The following ENPEP variants were observed in gnomAD, a reference collection of about 807,000 sequenced individuals.
ENPEP encodes glutamyl aminopeptidase.
Under a neutral mutation model 114.5 loss-of-function variants are expected in ENPEP, and 103 were observed. The observed-to-expected ratio is 0.90, with a 90% CI of 0.77 to 1.06. The LOEUF is 1.06. Ranked by LOEUF, ENPEP falls within the 50% of genes least tolerant of loss-of-function variation. The pLI, the probability that ENPEP is intolerant of heterozygous loss-of-function variation, is 0.00. For synonymous variants in ENPEP, 420 were observed against 422.0 expected (o/e 1.00, Z 0.06); for missense variants, 1,196 against 1,161.3 (o/e 1.03, Z -0.43).
rs141720845 is a variant in ENPEP, at chr4:110,531,276, A to C, written c.1806A>C (p.Glu602Asp). 24 of 1,422,446 alleles carry C rather than the reference A, an allele frequency of 1.7e-5. No homozygotes were observed. The highest frequency in any genetic ancestry group is 2.1e-4 in the Middle Eastern group (1 of 4,824). 88.1% of individuals were successfully genotyped at this position (1,422,446 alleles called of 1,614,324 possible). A position where few individuals can be genotyped will look rare whatever the true frequency, so the allele number is the denominator to read the frequency against. ...TGTTATTTAATAGGTCAGAAAAAGAAGGTAAATATTATTAATTGATTTATT... is the reference window on the plus strand; with the variant it reads ...TGTTATTTAATAGGTCAGAAAAAGACGGTAAATATTATTAATTGATTTATT... ...SSVLFNRSEK[E>D]GITLNSSNPS... is the part of the protein sequence containing the mutation. The change falls in exon 11 of 20, where the codon GAA (glutamate) becomes GAC (aspartate). Residue 602 changes from glutamate to aspartate, a missense_variant and splice_region_variant. By Grantham distance (45) the Glu-to-Asp change is conservative. Transcript: ENST00000265162.
chr4:110,480,713 C>G lies in ENPEP; in HGVS notation c.644+3655C>G, dbSNP rs1342846459. Among the ~76,000 whole-genome samples the G allele has an allele frequency of 2.6e-5, 4 of 152,168 alleles. 1 individual carries two copies. The highest frequency in any genetic ancestry group is 5.9e-5 in the Non-Finnish European group (4 of 68,028). ...TTCACAGCTACCCAAGTTGCTTTCT[C>G]TCAAGATTGAGACATGGGGAAGAAA... On this transcript the variant is annotated intron_variant, in intron 1 of 19. Coordinates refer to ENST00000265162, the MANE Select transcript of ENPEP (RefSeq NM_001977.4).
intron 10 of ENPEP, among the ~76,000 whole-genome samples, chr4:110,527,696 G>A (rs900524720): frequency 6.6e-6 from 1 of 152,038 alleles, no homozygotes; most frequent in South Asian, 2.1e-4. Context: ...TTGTGTTCTA[G>A]CAAATTAGAT....
At chr4:110,519,052 G>T (rs1351445603) in intron 8 of ENPEP, 2 of 455,676 alleles carry the variant, frequency 4.4e-6, no homozygotes, top group South Asian at 1.6e-5. Context: ...AAAAGTGATT[G>T]CTGCTTCTCC....
chr4:110,495,475 C>T (rs1724891224), intron 3 of ENPEP, among the ~76,000 whole-genome samples: 1 of 152,134 alleles, frequency 6.6e-6, no homozygotes. Flanking sequence ...AATCCCAGCA[C>T]TTTGGGAGGC....
intron 5 of ENPEP, 56 bp from the exon 6 acceptor site, chr4:110,510,189 G>A (rs1441002683): frequency 7.1e-7 from 1 of 1,401,532 alleles, no homozygotes; most frequent in South Asian, 1.2e-5. Flanking sequence ...CATTTTCTAG[G>A]CCTCTCTACC....
intron 13 of ENPEP, among the ~76,000 whole-genome samples, chr4:110,547,400 G>A (rs1482083932): frequency 2.0e-5 from 3 of 152,094 alleles, no homozygotes; most frequent in Admixed American, 6.6e-5. Context: ...AGTTGAGTAA[G>A]AATGCTAGCA....
rs1725504310 is a variant in ENPEP, at chr4:110,509,741, T to G, written c.1128T>G (p.Pro376=). The G allele has an allele frequency of 6.2e-7, 1 of 1,614,076 alleles. No homozygotes were observed. Among genetic ancestry groups the G allele is most frequent in the African/African-American group, 1.3e-5 (1 of 74,938 alleles). ...TYRETNLLYD[P]KESASSNQQR... is the part of the protein sequence containing the mutation. The stretch of plus-strand genomic sequence containing the variant: ...GAGAAACGAACCTGCTTTATGACCC[T>G]AAGGAATCAGCCTCATCAAACCAAC... The change falls in exon 5 of 20, where the codon CCT becomes CCG. Residue 376 remains proline, a synonymous_variant. Transcript: ENST00000265162.
At chr4:110,555,448 C>A (rs917687807) in intron 18 of ENPEP, among the ~76,000 whole-genome samples, 11 of 151,984 alleles carry the variant, frequency 7.2e-5, no homozygotes, top group African/African-American at 2.2e-4. Flanking sequence ...AATAAATAAT[C>A]TTCTATTTAA....
At position 110,531,184 on chromosome 4, in the gene ENPEP, TA is replaced by T. The variant is rs368087338; in HGVS notation, c.1728-7del. The T allele has an allele frequency of 2.1e-6, 3 of 1,413,778 alleles. No individual in the cohort carries two copies. The highest frequency in any genetic ancestry group is 1.5e-5 in the African/African-American group (1 of 68,454). The allele number at this position is 1,413,778 out of a possible 1,614,324, so 87.6% of individuals were successfully genotyped here. A position where few individuals can be genotyped will look rare whatever the true frequency, so the allele number is the denominator to read the frequency against. On this transcript the variant is annotated splice_polypyrimidine_tract_variant and intron_variant, in intron 10 of 19. Transcript: ENST00000265162. ...GTAATAAAAGTTAAATTTTTCTTTT[TA>T]AAAAAATTTTAGTTATACATGGAAT...
In ENPEP at chr4:110,476,552, C is replaced by T. The variant is rs1223462417; in HGVS notation, c.138C>T (p.Ser46=). The change falls in exon 1 of 20, where the codon AGC becomes AGT. Residue 46 remains serine, a synonymous_variant. Coordinates refer to ENST00000265162, the MANE Select transcript of ENPEP (RefSeq NM_001977.4). ...AVGLTRSCDS[S]GDGGPGTAPA... ...GCTTGACCAGATCGTGTGACTCCAG[C>T]GGGGACGGCGGGCCGGGCACTGCGC... 5.6e-6 allele frequency: 9 copies of T among 1,612,190 alleles called. No individual in the cohort carries two copies. In the East Asian group the frequency reaches 1.6e-4, roughly 28 times the overall value.
chr4:110,535,950 G>A (rs563353557), intron 11 of ENPEP, among the ~76,000 whole-genome samples: 1 of 151,978 alleles, frequency 6.6e-6, no homozygotes, highest in South Asian at 2.1e-4. Context: ...AATTATTTTA[G>A]TTAACATATA....
intron 11 of ENPEP, chr4:110,533,420 CAAAA>C (rs33956210): frequency 6.3e-4 from 76 of 121,346 alleles, no homozygotes; most frequent in Non-Finnish European, 8.1e-4. Flanking sequence ...AGTGCTGGAG[CAAAA>C]AAAAAAAAAA....
Position 110,549,430 on chromosome 4 carries a change from C to T in ENPEP, c.2225+11C>T, listed in dbSNP as rs746337622. 1.9e-6 allele frequency: 3 copies of T among 1,613,006 alleles called. No individual in the cohort carries two copies. Among genetic ancestry groups the T allele is most frequent in the South Asian group, 1.1e-5 (1 of 91,062 alleles). ...AGACCATGTCACAAAGTTATTCTCACTTTTTAACAACTAAAATTCATTTAA... is the reference window on the plus strand; with the variant it reads ...AGACCATGTCACAAAGTTATTCTCATTTTTTAACAACTAAAATTCATTTAA... On this transcript the variant is annotated intron_variant, in intron 15 of 19. Coordinates refer to ENST00000265162, the MANE Select transcript of ENPEP (RefSeq NM_001977.4).
intron 6 of ENPEP, chr4:110,513,205 G>A: frequency 2.5e-6 from 1 of 396,720 alleles, no homozygotes. Flanking sequence ...GTCATCTGGG[G>A]GAAAATTAAA....
chr4:110,546,997 G>C (rs1341156165), intron 13 of ENPEP, among the ~76,000 whole-genome samples: 2 of 151,998 alleles, frequency 1.3e-5, no homozygotes, highest in African/African-American at 2.4e-5. Flanking sequence ...CCTTTAGGGA[G>C]CCATGTTTGA....
Position 110,513,508 on chromosome 4 carries a change from G to T in ENPEP, c.1402G>T (p.Asp468Tyr). The change falls in exon 7 of 20, where the codon GAT becomes TAT. Residue 468 changes from aspartate to tyrosine, a missense_variant. Coordinates refer to ENST00000265162, the MANE Select transcript of ENPEP (RefSeq NM_001977.4). ...HPIIVTVTTP[D>Y]EITSVFDGIS... is the part of the protein sequence containing the mutation. ...AATTATTGTGACTGTGACAACCCCT[G>T]ATGAAATAACATCTGTTTTTGATGG... The T allele has an allele frequency of 6.2e-7, 1 of 1,613,426 alleles. No individual in the cohort carries two copies. The highest frequency in any genetic ancestry group is 8.5e-7 in the Non-Finnish European group (1 of 1,179,612).
chr4:110,498,402 C>T (rs1050504409), intron 3 of ENPEP, among the ~76,000 whole-genome samples: 15 of 151,874 alleles, frequency 9.9e-5, no homozygotes, highest in African/African-American at 3.1e-4. Context: ...GGATGATCAG[C>T]AGTGAAAAGT....
intron 11 of ENPEP, among the ~76,000 whole-genome samples, chr4:110,535,384 G>T (rs1169103743): frequency 6.6e-6 from 1 of 152,082 alleles, no homozygotes; most frequent in Non-Finnish European, 1.5e-5. Context: ...AAATAATGAT[G>T]GGCATGTATT....
chr4:110,480,540 T>A (rs1462385087), intron 1 of ENPEP, among the ~76,000 whole-genome samples: 2 of 152,232 alleles, frequency 1.3e-5, no homozygotes, highest in African/African-American at 4.8e-5. Flanking sequence ...TTTCTGACCT[T>A]AACGTAAAAT....
Sources: gnomAD v4.1 joint callset for allele counts (sites outside exome capture counted in the v4.1 genomes callset) on GRCh38, gnomAD v4.1.1 for gene constraint, MANE v1.5 for transcripts, NCBI Gene and HGNC (gene_info 2026-07-23, HGNC 2026-07-21) for gene names.